The following PTK6 variants were observed in gnomAD, a reference collection of about 807,000 sequenced individuals.
PTK6 encodes protein-tyrosine kinase 6.
A neutral mutation model predicts 47.5 loss-of-function variants in PTK6; 47 were observed. The ratio of observed to expected loss-of-function variants is 0.99; its 90% CI spans 0.78 to 1.26. PTK6 has a LOEUF of 1.26. Among genes scored for constraint, PTK6 ranks in the 50% most tolerant of loss-of-function variants. The probability of loss-of-function intolerance (pLI) is 0.00; values close to 1 mark genes in which losing one functional copy is unlikely to be tolerated. For missense variants in PTK6, 618 were observed against 625.3 expected (o/e 0.99, Z 0.12); for synonymous variants, 287 against 276.5 (o/e 1.04, Z -0.38).
intron 4 of PTK6, 122 bp from the exon 5 acceptor site, chr20:63,532,809 A>C (rs2082635703): frequency 9.4e-6 from 12 of 1,279,676 alleles, no homozygotes; most frequent in African/African-American, 3.4e-5. Flanking sequence ...GGACACACAG[A>C]CCTCCTGCCC....
Position 63,533,563 on chromosome 20 carries a change from C to A in PTK6, c.658G>T (p.Val220Leu). 6.2e-7 allele frequency: 1 copy of A among 1,611,320 alleles called. No individual in the cohort carries two copies. Among genetic ancestry groups the A allele is most frequent in the South Asian group, 1.1e-5 (1 of 90,698 alleles). The change falls in exon 4 of 8, where the codon GTG becomes TTG. Residue 220 changes from valine (V) to leucine (L), a missense_variant. Val to Leu is a conservative substitution (Grantham distance 32). Coordinates refer to ENST00000542869, the MANE Select transcript of PTK6 (RefSeq NM_005975.4). This position sits in a 1 kb window ranked among gnomAD's most constrained non-coding sequence, Gnocchi z 4.0. ...WKDRVQVAIK[V>L]ISRDNLLHQQ... ...GGGGCCCACTCACCTCGAGAAATCA[C>A]CTTAATGGCCACCTGGACCCGGTCT...
intron 1 of PTK6, among the ~76,000 whole-genome samples, chr20:63,535,764 GCCCCCCCCCTCACCTGGCCTCC>G (rs2082660024): frequency 8.9e-5 from 1 of 11,238 alleles, no homozygotes; most frequent in African/African-American, 1.6e-4. Context: ...CTGGCCTCCC[GCCCCCCCCCTCACCTGGCCTCC>G]CGCCCCCTCC....
At position 63,533,826 on chromosome 20, in the gene PTK6, G is replaced by A. The variant is rs527896322; in HGVS notation, c.517-122C>T. 3.8e-5 allele frequency: 52 copies of A among 1,355,112 alleles called. No homozygotes were observed. In the African/African-American group the frequency reaches 7.6e-4, roughly 20 times the overall value. 83.9% of individuals were successfully genotyped at this position (1,355,112 alleles called of 1,614,324 possible). The stretch of plus-strand genomic sequence containing the variant: ...GGGCCACGATCAGCCTGGGTTGGGG[G>A]TTTCTGAGTGTCTGACACAAGGGTG... On this transcript the variant is annotated intron_variant, in intron 3 of 7. Transcript: ENST00000542869. The surrounding 1 kb of genome is among the most constrained non-coding windows in gnomAD (Gnocchi z 4.0).
chr20:63,534,255 T>G lies in PTK6; in HGVS notation c.413A>C (p.His138Pro). Residue 138 changes from histidine to proline, a missense_variant, in exon 3 of 8, where the codon CAC becomes CCC. By Grantham distance (77) the His-to-Pro change is moderately conservative. Transcript: ENST00000542869. ...GAGGAAGGACACCGCCTCGTTCAGG[T>G]GCAGCCGGCCCCCGGCACGCCGCCA... Reference protein sequence around the residue: ...KIWRRAGGRLHLNEAVSFLSL... With the variant: ...KIWRRAGGRLPLNEAVSFLSL... The G allele has an allele frequency of 6.2e-7, 1 of 1,607,940 alleles. No individual in the cohort carries two copies. Among genetic ancestry groups the G allele is most frequent in the Admixed American group, 1.7e-5 (1 of 59,586 alleles).
chr20:63,529,368 AGAG>A lies in PTK6; in HGVS notation c.*165_*167del. 1 of 703,176 alleles carries A rather than the reference AGAG, an allele frequency of 1.4e-6. No homozygotes were observed. The highest frequency in any genetic ancestry group is 2.2e-6 in the Non-Finnish European group (1 of 455,602). The allele number at this position is 703,176 out of a possible 1,614,324, so 43.6% of individuals were successfully genotyped here. On this transcript the variant is annotated 3_prime_UTR_variant, in exon 8 of 8. Coordinates refer to ENST00000542869, the MANE Select transcript of PTK6 (RefSeq NM_005975.4). This position sits in a 1 kb window ranked among gnomAD's most constrained non-coding sequence, Gnocchi z 5.6. The stretch of plus-strand genomic sequence containing the variant: ...CCAAGGCACACACGATGGAGTAAGG[AGAG>A]GAGCACACGCGTGTATTGGACGCAG...
Position 63,530,199 on chromosome 20 carries a change from G to A in PTK6, c.1047C>T (p.Ile349=), listed in dbSNP as rs1215736207. ...CTTCAGGGGCCGTCCACTTGTAGGG[G>A]ATATTGTGGTCATGGGAGAGGTAGA... ...EDVYLSHDHN[I]PYKWTAPEAL... The change falls in exon 7 of 8, where the codon ATC becomes ATT. Residue 349 remains isoleucine, a synonymous_variant. Transcript: ENST00000542869. This position sits in a 1 kb window ranked among gnomAD's most constrained non-coding sequence, Gnocchi z 4.1. 2.5e-6 allele frequency: 4 copies of A among 1,614,084 alleles called. 1 individual carries two copies. In the South Asian group the frequency reaches 4.4e-5, roughly 18 times the overall value.
Position 63,533,556 on chromosome 20 carries a change from G to T in PTK6, c.665C>A (p.Ser222Tyr). The change falls in exon 4 of 8, where the codon TCT (serine) becomes TAT (tyrosine). Residue 222 changes from serine (S) to tyrosine (Y), a missense_variant. By Grantham distance (144) the Ser-to-Tyr change is moderately radical. Transcript: ENST00000542869. This position sits in a 1 kb window ranked among gnomAD's most constrained non-coding sequence, Gnocchi z 4.0. ...CCTGATCGGGGCCCACTCACCTCGA[G>T]AAATCACCTTAATGGCCACCTGGAC... ...DRVQVAIKVISRDNLLHQQML... is the reference protein window; with the variant it reads ...DRVQVAIKVIYRDNLLHQQML... The T allele has an allele frequency of 1.2e-6, 2 of 1,608,888 alleles. No individual in the cohort carries two copies. Among genetic ancestry groups the T allele is most frequent in the South Asian group, 2.2e-5 (2 of 90,452 alleles).
rs1280423725 is a variant in PTK6, at chr20:63,537,303, C to T, written c.12G>A (p.Arg4=). 7 of 1,610,514 alleles carry T rather than the reference C, an allele frequency of 4.3e-6. No homozygotes were observed. The highest frequency in any genetic ancestry group is 5.9e-6 in the Non-Finnish European group (7 of 1,178,938). The change falls in exon 1 of 8, where the codon CGG becomes CGA. Residue 4 remains arginine, a synonymous_variant. Transcript: ENST00000542869. MVS[R]DQAHLGPKYV... is the part of the protein sequence containing the mutation. ...ACTTGGGGCCCAGGTGAGCCTGGTC[C>T]CGGGACACCATGGCGGGCGGGCGCA...
intron 1 of PTK6, 101 bp downstream of exon 1, chr20:63,536,983 TC>T: frequency 7.9e-7 from 1 of 1,259,758 alleles, no homozygotes. Flanking sequence ...GGAACCGGGG[TC>T]CCCACCTTCT....
In PTK6 at chr20:63,530,339, C is replaced by A. The variant is rs887185809; in HGVS notation, c.1015-108G>T. On this transcript the variant is annotated intron_variant, in intron 6 of 7. Transcript: ENST00000542869. The surrounding 1 kb of genome is among the most constrained non-coding windows in gnomAD (Gnocchi z 4.1). ...TGCCCCAGCAGTGGGACGGTGATGA[C>A]CCCACTGTCTGACCCACGCACGGCC... 6.4e-6 allele frequency: 9 copies of A among 1,411,780 alleles called. No homozygotes were observed. In the Admixed American group the frequency reaches 9.5e-5, roughly 15 times the overall value. 87.5% of individuals were successfully genotyped at this position (1,411,780 alleles called of 1,614,324 possible). A position where few individuals can be genotyped will look rare whatever the true frequency, so the allele number is the denominator to read the frequency against.
At position 63,529,306 on chromosome 20, in the gene PTK6, C is replaced by T; in HGVS notation, c.*230G>A. On this transcript the variant is annotated 3_prime_UTR_variant, in exon 8 of 8. Coordinates refer to ENST00000542869, the MANE Select transcript of PTK6 (RefSeq NM_005975.4). The surrounding 1 kb of genome is among the most constrained non-coding windows in gnomAD (Gnocchi z 5.6). ...GTGTCAGTCTCCCGGATCTCATCTG[C>T]AGGCTCCAGAGCAGGCTGCGTGTCA... 1 of 456,180 alleles carries T rather than the reference C, an allele frequency of 2.2e-6. No homozygotes were observed. The highest frequency in any genetic ancestry group is 3.8e-6 in the Non-Finnish European group (1 of 261,272). The allele number at this position is 456,180 out of a possible 1,614,324, so 28.3% of individuals were successfully genotyped here. A position where few individuals can be genotyped will look rare whatever the true frequency, so the allele number is the denominator to read the frequency against.
rs1168689034 is a variant in PTK6, at chr20:63,534,038, G to A, written c.516+114C>T. The A allele has an allele frequency of 3.0e-6, 4 of 1,338,426 alleles. No individual in the cohort carries two copies. In the East Asian group the frequency reaches 7.6e-5, roughly 25 times the overall value. 82.9% of individuals were successfully genotyped at this position (1,338,426 alleles called of 1,614,324 possible). On this transcript the variant is annotated intron_variant, in intron 3 of 7. Coordinates refer to ENST00000542869, the MANE Select transcript of PTK6 (RefSeq NM_005975.4). ...TGGGCTTCCCTCCAGTGGGCCCCAG[G>A]TCAGTGAGTCAGGACCCCTCCCATG...
At chr20:63,531,338 G>A (rs1474872931) in intron 5 of PTK6, among the ~76,000 whole-genome samples, 3 of 148,058 alleles carry the variant, frequency 2.0e-5, no homozygotes, top group Non-Finnish European at 4.5e-5. Flanking sequence ...GGAGAATGGC[G>A]TGAACCCGGG....
intron 2 of PTK6, 92 bp from the exon 3 acceptor site, chr20:63,534,407 G>C: frequency 4.2e-6 from 6 of 1,437,070 alleles, no homozygotes; most frequent in Non-Finnish European, 5.5e-6. Flanking sequence ...CAGAGTTTCT[G>C]GGTCCCCACA....
At chr20:63,535,121 GC>G (rs2082654792) in intron 1 of PTK6, 62 bp from the exon 2 acceptor site, 2 of 1,500,890 alleles carry the variant, frequency 1.3e-6, no homozygotes, top group African/African-American at 2.8e-5. Flanking sequence ...CCCCACGCTG[GC>G]CCCAGCCTGC....
rs373720026 is a variant in PTK6 at position 63,532,260 on chromosome 20, CTA to C, written c.832+264_832+265del. Among the ~76,000 whole-genome samples, 342 of 138,388 alleles carry C rather than the reference CTA, an allele frequency of 2.5e-3. 2 individuals carry two copies. The highest frequency in any genetic ancestry group is 0.011 in the Middle Eastern group (3 of 284). The allele number at this position is 138,388 out of a possible 152,430, so 90.8% of individuals were successfully genotyped here. A position where few individuals can be genotyped will look rare whatever the true frequency, so the allele number is the denominator to read the frequency against. On this transcript the variant is annotated intron_variant, in intron 5 of 7. Transcript: ENST00000542869. ...TGTGTCTCTGTGTGTGTGTCTGTGTCTATGTGTATGTCTGTGTGTGTCATGTG... is the reference window on the plus strand; with the variant it reads ...TGTGTCTCTGTGTGTGTGTCTGTGTCTGTGTATGTCTGTGTGTGTCATGTG...
At position 63,537,186 on chromosome 20, in the gene PTK6, C is replaced by A. The variant is rs749796714; in HGVS notation, c.129G>T (p.Gln43His). Residue 43 changes from glutamine (Q) to histidine (H), a missense_variant, in exon 1 of 8, where the codon CAG (glutamine) becomes CAT (histidine). Gln to His is a conservative substitution (Grantham distance 24). Transcript: ENST00000542869. ...DVFHVARKEE[Q>H]WWWATLLDEA... is the part of the protein sequence containing the mutation. ...CGTCCAGCAGCGTGGCCCACCACCA[C>A]TGCTCCTCCTTCCTGGCCACGTGGA... is the stretch of plus-strand genomic sequence containing the variant. 6.2e-7 allele frequency: 1 copy of A among 1,612,470 alleles called. No homozygotes were observed. The highest frequency in any genetic ancestry group is 1.7e-5 in the Admixed American group (1 of 60,004).
rs1378325138 is a variant in PTK6 at position 63,529,892 on chromosome 20, G to C, written c.1169-169C>G. On this transcript the variant is annotated intron_variant, in intron 7 of 7. Coordinates refer to ENST00000542869, the MANE Select transcript of PTK6 (RefSeq NM_005975.4). The surrounding 1 kb of genome is among the most constrained non-coding windows in gnomAD (Gnocchi z 5.6). ...CTGCTAACACCTCCCTCTGGACAGG[G>C]CTCCAACAGGCAGCTCCAGGCACCA... Among the ~76,000 whole-genome samples, 1 of 152,214 alleles carries C rather than the reference G, an allele frequency of 6.6e-6. No individual in the cohort carries two copies. The highest frequency in any genetic ancestry group is 1.5e-5 in the Non-Finnish European group (1 of 68,030).
In PTK6 at chr20:63,533,430, T is replaced by C. The variant is rs2082640698; in HGVS notation, c.670+121A>G. On this transcript the variant is annotated intron_variant, in intron 4 of 7. Coordinates refer to ENST00000542869, the MANE Select transcript of PTK6 (RefSeq NM_005975.4). This position sits in a 1 kb window ranked among gnomAD's most constrained non-coding sequence, Gnocchi z 4.0. ...ATAGGTGCAATTGAAAGGGAACCAC[T>C]CTCGCATGGACGCTGTGGGTGCTGC... The C allele has an allele frequency of 8.2e-7, 1 of 1,222,906 alleles. No homozygotes were observed. The allele number at this position is 1,222,906 out of a possible 1,614,324, so 75.8% of individuals were successfully genotyped here.
Sources: allele counts gnomAD v4.1 joint callset (sites outside exome capture counted in the v4.1 genomes callset), GRCh38; gene constraint gnomAD v4.1.1; non-coding constraint Gnocchi (gnomAD v3.1); transcripts MANE v1.5; gene names NCBI Gene and HGNC (gene_info 2026-07-23, HGNC 2026-07-21).